The following PM20D2 variants were observed in gnomAD, a reference collection of about 807,000 sequenced individuals.
PM20D2 encodes the protein peptidase M20 domain containing 2.
PM20D2 carries 33 observed loss-of-function variants against 42.9 expected under a neutral mutation model. That is an observed-to-expected ratio of 0.77 (90% CI 0.58 to 1.03). The LOEUF (loss-of-function observed/expected upper bound fraction) is 1.03, where lower values mean the gene tolerates loss of function less well. Ranked by LOEUF, PM20D2 falls within the 50% of genes least tolerant of loss-of-function variation. PM20D2 has a pLI of 0.00. For synonymous variants in PM20D2, 250 were observed against 228.2 expected (o/e 1.10, Z -0.86); for missense variants, 548 against 557.0 (o/e 0.98, Z 0.16).
chr6:89,096,794 A>G, the PM20D2 span: 1 of 152,178 alleles, frequency 6.6e-6, no homozygotes, highest in African/African-American at 2.4e-5. Context: ...CACTGTGCCC[A>G]GCCCCTAGTT....
At chr6:89,117,784 C>T in the PM20D2 span, 134 of 1,527,098 alleles carry the variant, frequency 8.8e-5, no homozygotes, top group Non-Finnish European at 1.1e-4. Flanking sequence ...TTACCCCGCC[C>T]CTCCTCCGCG....
chr6:89,164,236 C>A lies in PM20D2; in HGVS notation c.*1973C>A, dbSNP rs542454462. ...AACTTAAAAGTGTTTTGATTTCCCACAATTTCCCAAAGGAATGTTTATTTA... is the reference window on the plus strand; with the variant it reads ...AACTTAAAAGTGTTTTGATTTCCCAAAATTTCCCAAAGGAATGTTTATTTA... On this transcript the variant is annotated 3_prime_UTR_variant, in exon 7 of 7. Transcript: ENST00000275072. The A allele has an allele frequency of 1.3e-5, 2 of 152,260 alleles. No individual in the cohort carries two copies. Among genetic ancestry groups the A allele is most frequent in the South Asian group, 4.1e-4 (2 of 4,820 alleles). The allele number at this position is 152,260 out of a possible 1,614,324, so 9.4% of individuals were successfully genotyped here.
At chr6:89,114,998 A>G in the PM20D2 span, among the ~76,000 whole-genome samples, 9 of 152,154 alleles carry the variant, frequency 5.9e-5, no homozygotes, top group South Asian at 1.7e-3. Flanking sequence ...GTGTTTTACC[A>G]TGTTGGCCAG....
intron 2 of PM20D2, among the ~76,000 whole-genome samples, 163 bp from the exon 3 acceptor site, chr6:89,152,880 T>C (rs1770900537): frequency 2.6e-5 from 4 of 152,194 alleles, no homozygotes; most frequent in Non-Finnish European, 4.4e-5. Flanking sequence ...AAACTATAAC[T>C]AACATAAATA....
At chr6:89,148,030 G>T (rs1209497438) in intron 1 of PM20D2, among the ~76,000 whole-genome samples, 2 of 140,040 alleles carry the variant, frequency 1.4e-5, no homozygotes, top group Middle Eastern at 4.2e-3. Context: ...CGCCCAGGCC[G>T]AGTGCAGTGG....
chr6:89,141,691 A>G (rs1321306867), upstream of PM20D2, among the ~76,000 whole-genome samples: 3 of 152,190 alleles, frequency 2.0e-5, no homozygotes, highest in Non-Finnish European at 4.4e-5. Flanking sequence ...CTTATCTCAG[A>G]CCTAAGTCTG....
the PM20D2 span, chr6:89,105,832 CA>C: frequency 3.7e-4 from 61 of 166,848 alleles, no homozygotes; most frequent in East Asian, 6.3e-4. Context: ...ACAAGAAAAA[CA>C]AAAAAAAAGT....
the PM20D2 span, among the ~76,000 whole-genome samples, chr6:89,135,933 G>A: frequency 6.6e-6 from 1 of 151,088 alleles, no homozygotes; most frequent in Non-Finnish European, 1.5e-5. Flanking sequence ...TACTTATGGT[G>A]TTGCCCATTG....
the PM20D2 span, chr6:89,118,014 C>A: frequency 1.0e-6 from 1 of 979,168 alleles, no homozygotes; most frequent in Non-Finnish European, 1.4e-6. Flanking sequence ...CGGCCTCAGC[C>A]CCGCCAGCGC....
chr6:89,130,584 A>C, the PM20D2 span, among the ~76,000 whole-genome samples: 29 of 152,036 alleles, frequency 1.9e-4, no homozygotes, highest in African/African-American at 7.0e-4. Flanking sequence ...AGGAATCGCC[A>C]CTTTGATTTC....
chr6:89,161,929 T>C, intron 6 of PM20D2, 39 bp downstream of exon 6: 7 of 1,538,054 alleles, frequency 4.6e-6, no homozygotes, highest in Non-Finnish European at 6.3e-6. Flanking sequence ...GCACACACAC[T>C]CTTCTTCTGG....
At chr6:89,140,872 G>A in the PM20D2 span, among the ~76,000 whole-genome samples, 2 of 152,296 alleles carry the variant, frequency 1.3e-5, no homozygotes, top group South Asian at 2.1e-4. Flanking sequence ...GAAGAAATCC[G>A]CACAGAACTT....
At chr6:89,105,288 C>T in the PM20D2 span, 1 of 1,587,454 alleles carries the variant, frequency 6.3e-7, no homozygotes, top group South Asian at 1.1e-5. Context: ...AGACTTATGA[C>T]ATAATTCGTT....
chr6:89,118,001 C>G, the PM20D2 span: 1 of 1,169,154 alleles, frequency 8.6e-7, no homozygotes, highest in Non-Finnish European at 1.2e-6. Flanking sequence ...GACCCCCACC[C>G]CTCGGCCTCA....
At chr6:89,099,413 T>TATAC in the PM20D2 span, among the ~76,000 whole-genome samples, 1,965 of 139,470 alleles carry the variant, frequency 0.014, 77 homozygotes, top group African/African-American at 0.052. Flanking sequence ...CATATATATA[T>TATAC]ACATATATAT....
At chr6:89,119,219 C>CCTATTCCCCTA in the PM20D2 span, among the ~76,000 whole-genome samples, 1 of 152,184 alleles carries the variant, frequency 6.6e-6, no homozygotes, top group South Asian at 2.1e-4. Flanking sequence ...TCCCCTAGAG[C>CCTATTCCCCTA]TTAGAATTTG....
the PM20D2 span, among the ~76,000 whole-genome samples, chr6:89,125,288 G>A: frequency 2.3e-4 from 35 of 152,252 alleles, no homozygotes; most frequent in Admixed American, 1.8e-3. Context: ...AGACCATCCT[G>A]GCTAACACGG....
intron 2 of PM20D2, 90 bp downstream of exon 2, chr6:89,149,503 T>C: frequency 1.4e-6 from 2 of 1,428,162 alleles, no homozygotes; most frequent in Admixed American, 2.3e-5. Flanking sequence ...ACTCCACATT[T>C]GTATATTTAA....
chr6:89,122,069 C>T, the PM20D2 span, among the ~76,000 whole-genome samples: 1 of 152,188 alleles, frequency 6.6e-6, no homozygotes, highest in Admixed American at 6.5e-5. Context: ...AATAGAGCCA[C>T]ATGTGAATCT....
Sources: gnomAD v4.1 joint callset for allele counts (sites outside exome capture counted in the v4.1 genomes callset) on GRCh38, gnomAD v4.1.1 for gene constraint, MANE v1.5 for transcripts, NCBI Gene and HGNC (gene_info 2026-07-23, HGNC 2026-07-21) for gene names.